Variants in MGAM observed in about 807,000 individuals in gnomAD.
MGAM encodes alpha-1,4-glucosidase.
In MGAM, 253 loss-of-function variants were observed where a neutral mutation model predicts 358.8. That is an observed-to-expected ratio of 0.71 (90% CI 0.64 to 0.78). The LOEUF (loss-of-function observed/expected upper bound fraction) is 0.78, where lower values mean the gene tolerates loss of function less well. Ranked by LOEUF, MGAM falls within the 30% of genes least tolerant of loss-of-function variation. The pLI, the probability that MGAM is intolerant of heterozygous loss-of-function variation, is 0.00. For synonymous variants in MGAM, 1,105 were observed against 1,227.1 expected (o/e 0.90, Z 2.08); for missense variants, 3,080 against 3,432.6 (o/e 0.90, Z 2.57).
intron 22 of MGAM, among the ~76,000 whole-genome samples, chr7:142,049,828 A>AT (rs1262596058): frequency 6.6e-6 from 1 of 152,168 alleles, no homozygotes; most frequent in African/African-American, 2.4e-5. Flanking sequence ...AGAAAATGGA[A>AT]TTTTTGTAGA....
intron 4 of MGAM, among the ~76,000 whole-genome samples, chr7:142,019,946 G>C (rs575561337): frequency 6.6e-6 from 1 of 152,246 alleles, no homozygotes; most frequent in African/African-American, 2.4e-5. Flanking sequence ...GCATGTGCCT[G>C]TAGTCCCAGC....
chr7:142,070,948 G>A (rs762978399), intron 43 of MGAM, 46 bp from the exon 44 acceptor site: 2 of 1,549,846 alleles, frequency 1.3e-6, no homozygotes, highest in South Asian at 2.3e-5. Context: ...GTTCAGGGAG[G>A]GGCCTGTCCT....
upstream of MGAM, among the ~76,000 whole-genome samples, chr7:141,992,190 T>C (rs1168089248): frequency 6.6e-6 from 1 of 152,182 alleles, no homozygotes; most frequent in East Asian, 1.9e-4. Context: ...TAACATCAAG[T>C]CTTTTACTCA....
At chr7:142,056,117 C>G in intron 29 of MGAM, 21 bp downstream of exon 29, 1 of 1,578,992 alleles carries the variant, frequency 6.3e-7, no homozygotes, top group Non-Finnish European at 8.6e-7. Context: ...CAGCACCTCC[C>G]TTATTTTGGG....
At chr7:142,020,343 T>C (rs1381796215) in intron 4 of MGAM, among the ~76,000 whole-genome samples, 1 of 152,082 alleles carries the variant, frequency 6.6e-6, no homozygotes, top group East Asian at 1.9e-4. Context: ...GGTCTGAGAA[T>C]GTAAAGGGTA....
chr7:142,034,274 G>T lies in MGAM; in HGVS notation c.1682G>T (p.Gly561Val). The change falls in exon 15 of 71, where the codon GGG (glycine) becomes GTG (valine). Residue 561 changes from glycine to valine, a missense_variant. Gly to Val is a moderately radical substitution (Grantham distance 109). Around this residue, in one of 5 missense-constraint regions of MGAM, gnomAD observed 1,816 missense variants for 1,840.5 expected, o/e 0.99. Transcript: ENST00000475668. Reference sequence around the variant, plus strand: ...GCTTTTGTTTCAGGAATCCTGGATGGGTACCTGTTCTGCAAGACTCTCTGT... The same window carrying T: ...GCTTTTGTTTCAGGAATCCTGGATGTGTACCTGTTCTGCAAGACTCTCTGT... Reference protein sequence around the residue: ...NPPFTPRILDGYLFCKTLCMD... With the variant: ...NPPFTPRILDVYLFCKTLCMD... The T allele has an allele frequency of 6.3e-7, 1 of 1,591,652 alleles. No individual in the cohort carries two copies. Among genetic ancestry groups the T allele is most frequent in the Non-Finnish European group, 8.6e-7 (1 of 1,168,380 alleles).
chr7:142,018,057 A>G (rs1236351096), intron 3 of MGAM, among the ~76,000 whole-genome samples: 1 of 152,222 alleles, frequency 6.6e-6, no homozygotes, highest in African/African-American at 2.4e-5. Context: ...TTGCTGTGTA[A>G]TAAATTATTC....
At chr7:142,079,897 GT>G (rs1415813951) in intron 49 of MGAM, among the ~76,000 whole-genome samples, 1 of 146,466 alleles carries the variant, frequency 6.8e-6, no homozygotes, top group East Asian at 2.0e-4. Context: ...GCACTAGCAT[GT>G]TGTAGGCACC....
intron 3 of MGAM, among the ~76,000 whole-genome samples, chr7:142,016,534 GTCTC>G (rs1459244260): frequency 1.3e-5 from 2 of 152,078 alleles, no homozygotes; most frequent in African/African-American, 4.8e-5. Context: ...CTGACTCTAT[GTCTC>G]TCTAATAATG....
intron 37 of MGAM, 25 bp from the exon 38 acceptor site, chr7:142,065,310 T>G: frequency 1.3e-6 from 2 of 1,599,884 alleles, no homozygotes. Context: ...TTGCCTCAGT[T>G]CACCTCCTGT....
chr7:142,048,071 T>C (rs1810557144), intron 22 of MGAM, among the ~76,000 whole-genome samples, 198 bp downstream of exon 22: 2 of 152,102 alleles, frequency 1.3e-5, no homozygotes, highest in South Asian at 4.1e-4. Flanking sequence ...TACATTTCTA[T>C]CTCTGGCAAT....
intron 22 of MGAM, 97 bp from the exon 23 acceptor site, chr7:142,050,138 T>A (rs1810798134): frequency 6.9e-6 from 8 of 1,151,444 alleles, no homozygotes. Context: ...AACTGCTATG[T>A]GTGACCTCAA....
Position 142,074,300 on chromosome 7 carries a change from A to G in MGAM, c.5275+127A>G, listed in dbSNP as rs1813566996. The stretch of plus-strand genomic sequence containing the variant: ...GCACAGTAGCAAGAGTCACTTAAGT[A>G]TTTTGTTTCTGGTTGCACCATTCAG... On this transcript the variant is annotated intron_variant, in intron 45 of 70. Coordinates refer to ENST00000475668, the MANE Select transcript of MGAM (RefSeq NM_001365693.1). 5.5e-6 allele frequency: 4 copies of G among 732,032 alleles called. 1 individual carries two copies. The highest frequency in any genetic ancestry group is 8.7e-6 in the Non-Finnish European group (4 of 457,670). 45.3% of individuals were successfully genotyped at this position (732,032 alleles called of 1,614,324 possible). A position where few individuals can be genotyped will look rare whatever the true frequency, so the allele number is the denominator to read the frequency against.
intron 16 of MGAM, 55 bp downstream of exon 16, chr7:142,034,896 C>A: frequency 6.5e-7 from 1 of 1,549,812 alleles, no homozygotes; most frequent in Non-Finnish European, 8.8e-7. Flanking sequence ...CAACCTCATT[C>A]TAGAAAGTTT....
At chr7:142,037,914 T>C (rs912861510) in intron 18 of MGAM, among the ~76,000 whole-genome samples, 1 of 152,096 alleles carries the variant, frequency 6.6e-6, no homozygotes, top group Admixed American at 6.5e-5. Context: ...AAGCACACTC[T>C]TTAAGTTACT....
intron 42 of MGAM, among the ~76,000 whole-genome samples, chr7:142,067,684 A>C (rs1812881626): frequency 7.0e-6 from 1 of 142,034 alleles, no homozygotes; most frequent in Non-Finnish European, 1.6e-5. Flanking sequence ...TCAATGACAC[A>C]ATCATTTCTT....
At chr7:141,988,521 T>C (rs1554446674) in intron 2 of MGAM, among the ~76,000 whole-genome samples, 1 of 152,038 alleles carries the variant, frequency 6.6e-6, no homozygotes, top group Non-Finnish European at 1.5e-5. Flanking sequence ...CCCGCCACCA[T>C]GCCTGACTCA....
chr7:142,064,398 G>C lies in MGAM; in HGVS notation c.4360G>C (p.Asp1454His), dbSNP rs1318942215. The C allele has an allele frequency of 8.7e-6, 14 of 1,608,322 alleles. No homozygotes were observed. The Middle Eastern group carries it at 4.9e-4, about 57-fold the overall frequency. ...PPYMPHLESR[D>H]RGLSSKTLCM... The stretch of plus-strand genomic sequence containing the variant: ...TTCCTCCTCAGATTTGGAGTCCAGG[G>C]ACAGGGGCCTGAGCAGCAAGACCCT... Residue 1454 changes from aspartate to histidine, a missense_variant, in exon 37 of 71, where the codon GAC becomes CAC. Transcript: ENST00000475668.
chr7:142,045,019 G>GTATATTA lies in MGAM; in HGVS notation c.2499-2760_2499-2759insATATATT, dbSNP rs1218218225. ...ACGTGTAATATATGATATATAATAT[G>GTATATTA]TATATTGTATACACGTGTAATATAT... On this transcript the variant is annotated intron_variant, in intron 21 of 70. Coordinates refer to ENST00000475668, the MANE Select transcript of MGAM (RefSeq NM_001365693.1). Among the ~76,000 whole-genome samples the GTATATTA allele has an allele frequency of 7.5e-4, 68 of 91,196 alleles. 2 individuals are homozygous for GTATATTA. The highest frequency in any genetic ancestry group is 1.2e-3 in the Non-Finnish European group (55 of 46,170). The allele number at this position is 91,196 out of a possible 152,430, so 59.8% of individuals were successfully genotyped here.
Sources: gnomAD v4.1 joint callset for allele counts (sites outside exome capture counted in the v4.1 genomes callset) on GRCh38, gnomAD v4.1.1 for gene constraint, gnomAD v4.1.1 regional missense constraint, MANE v1.5 for transcripts, NCBI Gene and HGNC (gene_info 2026-07-23, HGNC 2026-07-21) for gene names.